LPCAT3: variants seen among roughly 807,000 people sequenced by gnomAD.
LPCAT3 encodes lysophospholipid acyltransferase 5.
LPCAT3 carries 21 observed loss-of-function variants against 63.4 expected under a neutral mutation model. The observed-to-expected ratio is 0.33, with a 90% CI of 0.23 to 0.48. The LOEUF (loss-of-function observed/expected upper bound fraction) is 0.48, where lower values mean the gene tolerates loss of function less well. Among genes scored for constraint, LPCAT3 ranks in the 20% least tolerant of loss-of-function variants. LPCAT3 has a pLI of 0.99. For missense variants in LPCAT3, 451 were observed against 590.6 expected, an observed-to-expected ratio of 0.76 and a Z score of 2.45; for synonymous variants, 242 against 227.5, an observed-to-expected ratio of 1.06 and a Z score of -0.58.
intron 1 of LPCAT3, among the ~76,000 whole-genome samples, chr12:7,003,282 G>T (rs1033445880): frequency 2.0e-5 from 3 of 151,040 alleles, no homozygotes; most frequent in Non-Finnish European, 4.4e-5. Flanking sequence ...TCCTACAGAA[G>T]ATTTTAGAGG....
intron 9 of LPCAT3, 180 bp downstream of exon 9, chr12:6,978,161 T>C (rs1414546462): frequency 4.2e-6 from 3 of 709,136 alleles, no homozygotes; most frequent in Non-Finnish European, 6.9e-6. Flanking sequence ...TTTTCAAATA[T>C]GACAGTAATG....
intron 3 of LPCAT3, among the ~76,000 whole-genome samples, chr12:6,982,247 C>G (rs782199231): frequency 1.6e-4 from 25 of 152,178 alleles, no homozygotes; most frequent in African/African-American, 6.0e-4. Context: ...CCATGTTGCC[C>G]GGGTTAGTCT....
chr12:7,007,418 G>A (rs1946732867), intron 1 of LPCAT3, among the ~76,000 whole-genome samples: 1 of 151,172 alleles, frequency 6.6e-6, no homozygotes, highest in Non-Finnish European at 1.5e-5. Context: ...AGATATGACC[G>A]TGTACAGTTT....
intron 1 of LPCAT3, among the ~76,000 whole-genome samples, chr12:7,000,642 C>T (rs1194052194): frequency 6.6e-6 from 1 of 151,062 alleles, no homozygotes; most frequent in African/African-American, 2.4e-5. Context: ...ACATGTACTT[C>T]CTTCAGGCCA....
intron 1 of LPCAT3, among the ~76,000 whole-genome samples, chr12:7,015,008 T>G (rs1946788799): frequency 6.6e-6 from 1 of 152,218 alleles, no homozygotes; most frequent in Non-Finnish European, 1.5e-5. Flanking sequence ...GCAAGTATTC[T>G]TTCCTGAAAC....
At chr12:7,004,278 G>A (rs901915616) in intron 1 of LPCAT3, among the ~76,000 whole-genome samples, 5 of 152,090 alleles carry the variant, frequency 3.3e-5, no homozygotes, top group Non-Finnish European at 5.9e-5. Flanking sequence ...GAACAACAGC[G>A]GGTTACTCTC....
At chr12:7,008,887 A>C (rs782010028) in intron 1 of LPCAT3, among the ~76,000 whole-genome samples, 14 of 152,326 alleles carry the variant, frequency 9.2e-5, no homozygotes, top group African/African-American at 3.4e-4. Context: ...CATAATAACA[A>C]CAACATCTCT....
chr12:6,988,773 T>C lies in LPCAT3; in HGVS notation c.152-5234A>G, dbSNP rs139176842. Among the ~76,000 whole-genome samples, 1,312 of 152,222 alleles carry C rather than the reference T, an allele frequency of 8.6e-3. 14 individuals carry two copies. Among genetic ancestry groups the C allele is most frequent in the African/African-American group, 0.03 (1,240 of 41,516 alleles). The stretch of plus-strand genomic sequence containing the variant: ...GAGGATAAAATTCTCAGCTTGGAGA[T>C]TGGGGTTGATGCCTTACCTTTATTA... On this transcript the variant is annotated intron_variant, in intron 1 of 12. Coordinates refer to ENST00000261407, the MANE Select transcript of LPCAT3 (RefSeq NM_005768.6).
At chr12:7,006,979 C>G (rs781820282) in intron 1 of LPCAT3, among the ~76,000 whole-genome samples, 1 of 152,134 alleles carries the variant, frequency 6.6e-6, no homozygotes, top group Non-Finnish European at 1.5e-5. Flanking sequence ...GAACTTTAAC[C>G]TTCTGGGATC....
chr12:7,010,196 A>G (rs1276260932), intron 1 of LPCAT3, among the ~76,000 whole-genome samples: 17 of 152,218 alleles, frequency 1.1e-4, no homozygotes, highest in Non-Finnish European at 2.1e-4. Flanking sequence ...GTTCTGGTTA[A>G]AGAGGACTAC....
intron 1 of LPCAT3, among the ~76,000 whole-genome samples, chr12:6,992,240 G>T (rs73264636): frequency 1.3e-5 from 2 of 151,870 alleles, no homozygotes; most frequent in African/African-American, 4.8e-5. Flanking sequence ...GGAGGCTGAG[G>T]TAGCATCACC....
intron 1 of LPCAT3, among the ~76,000 whole-genome samples, chr12:7,010,745 C>T (rs1946757180): frequency 6.6e-6 from 1 of 152,142 alleles, no homozygotes; most frequent in South Asian, 2.1e-4. Context: ...TGCAAAGAAA[C>T]ATGTTTAACG....
chr12:6,978,830 G>T, intron 7 of LPCAT3, 141 bp from the exon 8 acceptor site: 1 of 1,214,654 alleles, frequency 8.2e-7, no homozygotes, highest in Non-Finnish European at 1.1e-6. Flanking sequence ...AGTCTGGCCT[G>T]ATTGCCTTCA....
At chr12:6,995,341 G>A (rs1249463660) in intron 1 of LPCAT3, among the ~76,000 whole-genome samples, 4 of 151,976 alleles carry the variant, frequency 2.6e-5, no homozygotes, top group South Asian at 2.1e-4. Flanking sequence ...GGGCGTGGTG[G>A]TGCATGCCTG....
intron 2 of LPCAT3, 162 bp from the exon 3 acceptor site, chr12:6,982,944 T>C: frequency 1.5e-6 from 1 of 664,384 alleles, no homozygotes. Context: ...TTTATTAAAA[T>C]AAAAAAGATT....
At chr12:7,006,811 T>A (rs1946727903) in intron 1 of LPCAT3, among the ~76,000 whole-genome samples, 1 of 152,182 alleles carries the variant, frequency 6.6e-6, no homozygotes, top group South Asian at 2.1e-4. Context: ...AAACAGTAGT[T>A]GATATTTAGG....
intron 1 of LPCAT3, among the ~76,000 whole-genome samples, chr12:6,990,055 T>C (rs944547814): frequency 6.6e-6 from 1 of 151,820 alleles, no homozygotes; most frequent in African/African-American, 2.4e-5. Flanking sequence ...TGCGTGCCTG[T>C]AGTCCCAGCT....
chr12:7,015,820 G>C (rs925500560), intron 1 of LPCAT3, among the ~76,000 whole-genome samples: 19 of 152,134 alleles, frequency 1.2e-4, no homozygotes, highest in African/African-American at 4.6e-4. Flanking sequence ...GAAGATGAGA[G>C]AAGAGGAGTG....
Position 6,977,584 on chromosome 12 carries a change from C to T in LPCAT3, c.1188+14G>A. 1 of 1,614,176 alleles carries T rather than the reference C, an allele frequency of 6.2e-7. No individual in the cohort carries two copies. The highest frequency in any genetic ancestry group is 8.5e-7 in the Non-Finnish European group (1 of 1,180,032). ...TCCCTTATATTCCCCTTCACCCCCA[C>T]CCTGGAGGCCTACCTGTCTTTCCAC... On this transcript the variant is annotated intron_variant, in intron 10 of 12. Transcript: ENST00000261407. The surrounding 1 kb of genome is among the most constrained non-coding windows in gnomAD (Gnocchi z 4.5).
Sources: allele counts gnomAD v4.1 joint callset (sites outside exome capture counted in the v4.1 genomes callset), GRCh38; gene constraint gnomAD v4.1.1; non-coding constraint Gnocchi (gnomAD v3.1); transcripts MANE v1.5; gene names NCBI Gene and HGNC (gene_info 2026-07-23, HGNC 2026-07-21).